Variants in SBSPON observed in about 807,000 individuals in gnomAD.
SBSPON encodes somatomedin B and thrombospondin type 1 domain containing, also known as somatomedin-B and thrombospondin type-1 domain-containing protein.
A neutral mutation model predicts 35.8 loss-of-function variants in SBSPON; 30 were observed. The ratio of observed to expected loss-of-function variants is 0.84; its 90% CI spans 0.63 to 1.14. SBSPON has a LOEUF of 1.14. Ranked by LOEUF, SBSPON falls within the 50% of genes most tolerant of loss-of-function variation. The pLI is 0.00. For missense variants in SBSPON, 364 were observed against 357.7 expected, an observed-to-expected ratio of 1.02 and a Z score of -0.14; for synonymous variants, 136 against 135.9, an observed-to-expected ratio of 1.00 and a Z score of 0.00.
chr8:73,085,599 C>T (rs988557825), intron 1 of SBSPON: 2 of 152,054 alleles, frequency 1.3e-5, no homozygotes, highest in East Asian at 1.9e-4. Flanking sequence ...GGAGTTACCA[C>T]TGGACTTTCT....
At chr8:73,077,377 T>A (rs1369964969) in intron 2 of SBSPON, among the ~76,000 whole-genome samples, 1 of 152,230 alleles carries the variant, frequency 6.6e-6, no homozygotes, top group Non-Finnish European at 1.5e-5. Flanking sequence ...AGGCGCCTGA[T>A]CTGCGAACAG....
At chr8:73,069,319 C>G (rs1810448414) in intron 4 of SBSPON, among the ~76,000 whole-genome samples, 1 of 152,014 alleles carries the variant, frequency 6.6e-6, no homozygotes, top group African/African-American at 2.4e-5. Flanking sequence ...GAGTCTGGCT[C>G]TATCACCCAT....
chr8:73,069,222 C>T (rs1810447148), intron 4 of SBSPON, among the ~76,000 whole-genome samples: 1 of 152,092 alleles, frequency 6.6e-6, no homozygotes, highest in African/African-American at 2.4e-5. Context: ...ATCTTCAGAA[C>T]ACCACTTTGG....
chr8:73,065,675 A>T lies in SBSPON; in HGVS notation c.*1666T>A, dbSNP rs1379564966. 6.6e-6 allele frequency: 1 copy of T among 151,600 alleles called. No homozygotes were observed. The highest frequency in any genetic ancestry group is 1.5e-5 in the Non-Finnish European group (1 of 67,996). 9.4% of individuals were successfully genotyped at this position (151,600 alleles called of 1,614,324 possible). A position where few individuals can be genotyped will look rare whatever the true frequency, so the allele number is the denominator to read the frequency against. On this transcript the variant is annotated 3_prime_UTR_variant, in exon 5 of 5. Coordinates refer to ENST00000297354, the MANE Select transcript of SBSPON (RefSeq NM_153225.4). ...GCGCCTGTAGTCCCAGCTACTTGGGAGGCTGAGGCAGAAGAATGGCGTGAA... is the reference window on the plus strand; with the variant it reads ...GCGCCTGTAGTCCCAGCTACTTGGGTGGCTGAGGCAGAAGAATGGCGTGAA...
chr8:73,077,532 T>A (rs1810616025), intron 2 of SBSPON, among the ~76,000 whole-genome samples: 1 of 152,014 alleles, frequency 6.6e-6, no homozygotes, highest in African/African-American at 2.4e-5. Flanking sequence ...CCACCGTGAG[T>A]TCTATTTAGC....
chr8:73,080,703 T>C (rs1176215773), intron 2 of SBSPON, among the ~76,000 whole-genome samples: 1 of 152,166 alleles, frequency 6.6e-6, no homozygotes, highest in African/African-American at 2.4e-5. Context: ...AAGTCCTTTA[T>C]CACCAGCTTG....
intron 1 of SBSPON, among the ~76,000 whole-genome samples, chr8:73,090,403 C>T (rs1424352265): frequency 2.0e-5 from 3 of 152,242 alleles, no homozygotes; most frequent in Non-Finnish European, 4.4e-5. Context: ...GGAGTTGCCC[C>T]GAACCAGCTT....
intron 3 of SBSPON, 21 bp downstream of exon 3, chr8:73,071,759 A>T (rs71521981): frequency 0.41 from 598,855 of 1,458,910 alleles, 128,695 homozygotes; most frequent in Middle Eastern, 0.45. Context: ...TGATTAAAAA[A>T]AAAAAAAAAC....
Position 73,067,038 on chromosome 8 carries a change from T to C in SBSPON, c.*303A>G. 4.4e-6 allele frequency: 1 copy of C among 227,290 alleles called. No individual in the cohort carries two copies. The highest frequency in any genetic ancestry group is 8.8e-6 in the Non-Finnish European group (1 of 113,632). The allele number at this position is 227,290 out of a possible 1,614,324, so 14.1% of individuals were successfully genotyped here. ...TCGGACTGAGTTACAGTAATTTTAC[T>C]TTAGCAAACAGACATGTATTCTGTG... On this transcript the variant is annotated 3_prime_UTR_variant, in exon 5 of 5. Coordinates refer to ENST00000297354, the MANE Select transcript of SBSPON (RefSeq NM_153225.4).
At chr8:73,071,184 C>T (rs1810487115) in intron 3 of SBSPON, among the ~76,000 whole-genome samples, 1 of 152,134 alleles carries the variant, frequency 6.6e-6, no homozygotes, top group African/African-American at 2.4e-5. Context: ...GTTATTTTCT[C>T]ATTAAATGCT....
intron 2 of SBSPON, among the ~76,000 whole-genome samples, chr8:73,076,338 G>A (rs1049497345): frequency 2.6e-5 from 4 of 152,240 alleles, no homozygotes; most frequent in African/African-American, 7.2e-5. Flanking sequence ...AAAGAATTAA[G>A]GTTACAGGTG....
chr8:73,075,870 GA>G, intron 2 of SBSPON: 8 of 282,242 alleles, frequency 2.8e-5, no homozygotes, highest in Non-Finnish European at 3.7e-5. Flanking sequence ...AATTGTCAAT[GA>G]TGTGCAACAC....
intron 3 of SBSPON, among the ~76,000 whole-genome samples, chr8:73,071,234 T>G (rs1810487720): frequency 6.6e-6 from 1 of 152,208 alleles, no homozygotes; most frequent in South Asian, 2.1e-4. Flanking sequence ...CAGTCTCATT[T>G]TTTAGGAAGA....
intron 2 of SBSPON, among the ~76,000 whole-genome samples, chr8:73,075,246 G>A (rs940121208): frequency 6.6e-6 from 1 of 152,186 alleles, no homozygotes; most frequent in Non-Finnish European, 1.5e-5. Flanking sequence ...CTAAGAGCAA[G>A]CCAGGTACCC....
intron 2 of SBSPON, among the ~76,000 whole-genome samples, chr8:73,080,478 G>A (rs1810675434): frequency 6.6e-6 from 1 of 152,180 alleles, no homozygotes; most frequent in Admixed American, 6.5e-5. Context: ...TCATGCCACT[G>A]CCCTCCAGCC....
chr8:73,075,241 A>T (rs985815425), intron 2 of SBSPON, among the ~76,000 whole-genome samples: 1 of 152,174 alleles, frequency 6.6e-6, no homozygotes, highest in African/African-American at 2.4e-5. Context: ...GCATCCTAAG[A>T]GCAAGCCAGG....
At chr8:73,077,200 C>T (rs1045319918) in intron 2 of SBSPON, among the ~76,000 whole-genome samples, 1 of 152,198 alleles carries the variant, frequency 6.6e-6, no homozygotes, top group Admixed American at 6.5e-5. Flanking sequence ...GCCAGCACAC[C>T]CGGCCTAATC....
intron 1 of SBSPON, among the ~76,000 whole-genome samples, chr8:73,084,330 A>G (rs1246211111): frequency 3.3e-5 from 5 of 152,274 alleles, no homozygotes; most frequent in African/African-American, 9.6e-5. Context: ...TAATGGAGAT[A>G]GCCAGTCACG....
intron 1 of SBSPON, chr8:73,085,903 C>T (rs1485164724): frequency 6.6e-6 from 1 of 152,130 alleles, no homozygotes; most frequent in Non-Finnish European, 1.5e-5. Context: ...TGTAATCTAG[C>T]CCTGCCTATT....
Sources: allele counts gnomAD v4.1 joint callset (sites outside exome capture counted in the v4.1 genomes callset), GRCh38; gene constraint gnomAD v4.1.1; transcripts MANE v1.5; gene names NCBI Gene and HGNC (gene_info 2026-07-23, HGNC 2026-07-21).